Variants in KLHL14 observed in about 807,000 individuals in gnomAD.
The protein encoded by KLHL14 is kelch-like protein 14.
KLHL14 carries 22 observed loss-of-function variants against 64.3 expected under a neutral mutation model. The observed-to-expected ratio is 0.34, with a 90% CI of 0.24 to 0.49. KLHL14 has a LOEUF of 0.49. Among genes scored for constraint, KLHL14 ranks in the 20% least tolerant of loss-of-function variants. KLHL14 has a pLI of 0.99. For synonymous variants in KLHL14, 322 were observed against 333.4 expected, an observed-to-expected ratio of 0.97 and a Z score of 0.37; for missense variants, 661 against 789.0, an observed-to-expected ratio of 0.84 and a Z score of 1.94.
chr18:32,710,667 C>T (rs1227620053), intron 3 of KLHL14, among the ~76,000 whole-genome samples: 5 of 152,024 alleles, frequency 3.3e-5, no homozygotes. Context: ...AATAGAGGTC[C>T]AAAGTACAGA....
chr18:32,688,516 C>T (rs2049891004), intron 4 of KLHL14, among the ~76,000 whole-genome samples: 1 of 152,228 alleles, frequency 6.6e-6, no homozygotes. Flanking sequence ...AGGCCAGTTT[C>T]AGTAGCATAG....
chr18:32,745,582 T>G (rs1322298505), intron 2 of KLHL14: 1 of 152,242 alleles, frequency 6.6e-6, no homozygotes, highest in Non-Finnish European at 1.5e-5. Context: ...TAATAGAGAT[T>G]ACTTTACATT....
At chr18:32,704,409 T>C (rs1405422556) in intron 3 of KLHL14, among the ~76,000 whole-genome samples, 2 of 152,064 alleles carry the variant, frequency 1.3e-5, no homozygotes. Flanking sequence ...ACCTACAAGG[T>C]ATCAGAAGGT....
Position 32,760,647 on chromosome 18 carries a change from T to C in KLHL14, c.947+8998A>G, listed in dbSNP as rs193047819. Among the ~76,000 whole-genome samples the C allele has an allele frequency of 3.0e-3, 461 of 152,294 alleles. 5 individuals carry two copies. The highest frequency in any genetic ancestry group is 0.011 in the African/African-American group (449 of 41,558). On this transcript the variant is annotated intron_variant, in intron 2 of 8. Transcript: ENST00000359358. ...TCAGAGTCCCCGCGCAGGTGCAATT[T>C]ACCAACCCCTCACAGGCGCTCTGGG...
At position 32,770,764 on chromosome 18, in the gene KLHL14, C is replaced by T; in HGVS notation, c.-43-130G>A. 1.7e-6 allele frequency: 1 copy of T among 597,172 alleles called. No individual in the cohort carries two copies. The highest frequency in any genetic ancestry group is 3.6e-4 in the Middle Eastern group (1 of 2,740). 37.0% of individuals were successfully genotyped at this position (597,172 alleles called of 1,614,324 possible). A position where few individuals can be genotyped will look rare whatever the true frequency, so the allele number is the denominator to read the frequency against. On this transcript the variant is annotated intron_variant, in intron 1 of 8. Coordinates refer to ENST00000359358, the MANE Select transcript of KLHL14 (RefSeq NM_020805.3). This position sits in a 1 kb window ranked among gnomAD's most constrained non-coding sequence, Gnocchi z 6.7. Reference sequence around the variant, plus strand: ...ACAAGAATCAAGGCTCAGCTTGACTCCCTCCTGGCGCGCTCCGGACCCCGA... The same window carrying T: ...ACAAGAATCAAGGCTCAGCTTGACTTCCTCCTGGCGCGCTCCGGACCCCGA...
intron 2 of KLHL14, among the ~76,000 whole-genome samples, chr18:32,753,961 G>A (rs750735328): frequency 1.4e-4 from 21 of 152,228 alleles, no homozygotes; most frequent in Non-Finnish European, 2.6e-4. Context: ...AGGAAGTTGC[G>A]TGGCAAGCAT....
rs1407187421 is a variant in KLHL14 at position 32,770,391 on chromosome 18, A to AG, written c.200dup (p.Leu68SerfsTer192). On this transcript the variant is annotated frameshift_variant, in exon 2 of 9. Coordinates refer to ENST00000359358, the MANE Select transcript of KLHL14 (RefSeq NM_020805.3). LOFTEE classifies it high-confidence loss of function. This position sits in a 1 kb window ranked among gnomAD's most constrained non-coding sequence, Gnocchi z 6.7. ...CCTGGCCGCCGACCCCTCCCCCGAG[A>AG]GGGGGGTGGCTGGAGAAGAGCGATC... The AG allele has an allele frequency of 6.3e-7, 1 of 1,595,176 alleles. No homozygotes were observed. The highest frequency in any genetic ancestry group is 8.5e-7 in the Non-Finnish European group (1 of 1,169,842).
At chr18:32,713,016 T>G (rs2050027715) in intron 3 of KLHL14, among the ~76,000 whole-genome samples, 1 of 151,852 alleles carries the variant, frequency 6.6e-6, no homozygotes, top group South Asian at 2.1e-4. Context: ...CTCCAAGAGC[T>G]TGCTTTTAAA....
At position 32,770,623 on chromosome 18, in the gene KLHL14, C is replaced by T. The variant is rs1208874980; in HGVS notation, c.-32G>A. On this transcript the variant is annotated 5_prime_UTR_variant, in exon 2 of 9. Coordinates refer to ENST00000359358, the MANE Select transcript of KLHL14 (RefSeq NM_020805.3). The surrounding 1 kb of genome is among the most constrained non-coding windows in gnomAD (Gnocchi z 6.7). ...CTGACTCGGTGCACCTGGCTTTAAA[C>T]CCTCCTCCAACCTGGCAGACAGGGG... 1 of 1,512,782 alleles carries T rather than the reference C, an allele frequency of 6.6e-7. No homozygotes were observed. Among genetic ancestry groups the T allele is most frequent in the Non-Finnish European group, 8.8e-7 (1 of 1,132,326 alleles). The allele number at this position is 1,512,782 out of a possible 1,614,324, so 93.7% of individuals were successfully genotyped here. A position where few individuals can be genotyped will look rare whatever the true frequency, so the allele number is the denominator to read the frequency against.
chr18:32,714,281 G>T (rs2050034135), intron 3 of KLHL14, among the ~76,000 whole-genome samples: 1 of 152,086 alleles, frequency 6.6e-6, no homozygotes, highest in Non-Finnish European at 1.5e-5. Flanking sequence ...TAGCTCCATG[G>T]CTCTCTATGA....
intron 3 of KLHL14, among the ~76,000 whole-genome samples, chr18:32,701,841 T>C (rs572168204): frequency 1.3e-5 from 2 of 152,254 alleles, no homozygotes; most frequent in East Asian, 3.9e-4. Context: ...TGAGTGTCCT[T>C]GCAGATACAT....
chr18:32,695,579 A>T, intron 3 of KLHL14, 27 bp from the exon 4 acceptor site: 1 of 1,445,274 alleles, frequency 6.9e-7, no homozygotes, highest in Non-Finnish European at 9.6e-7. Flanking sequence ...AAAAAAAGAC[A>T]TATGAAATTT....
At chr18:32,674,928 G>A (rs1230842659) in intron 8 of KLHL14, 131 bp from the exon 9 acceptor site, 1 of 577,004 alleles carries the variant, frequency 1.7e-6, no homozygotes, top group Non-Finnish European at 3.1e-6. Context: ...AATTCCAAAT[G>A]AAAGCAATGG....
chr18:32,731,738 T>C (rs1158819804), intron 3 of KLHL14, among the ~76,000 whole-genome samples: 2 of 151,774 alleles, frequency 1.3e-5, no homozygotes, highest in Non-Finnish European at 2.9e-5. Flanking sequence ...ATAAATAATT[T>C]ATATATATAC....
chr18:32,739,285 A>G (rs1194401042), intron 3 of KLHL14, among the ~76,000 whole-genome samples: 1 of 152,044 alleles, frequency 6.6e-6, no homozygotes, highest in Non-Finnish European at 1.5e-5. Flanking sequence ...TTTGGGAAGA[A>G]TCTGGGATTC....
intron 4 of KLHL14, 97 bp from the exon 5 acceptor site, chr18:32,687,330 C>A: frequency 2.1e-6 from 2 of 954,100 alleles, no homozygotes; most frequent in Non-Finnish European, 3.4e-6. Context: ...TCAGGTTTAA[C>A]AAATAGATGA....
chr18:32,769,271 C>T (rs895337823), intron 2 of KLHL14, among the ~76,000 whole-genome samples: 9 of 152,144 alleles, frequency 5.9e-5, no homozygotes, highest in Admixed American at 5.2e-4. Flanking sequence ...TGAGCAAGCC[C>T]ATCTTAAGAT....
At chr18:32,726,616 TG>T in intron 3 of KLHL14, among the ~76,000 whole-genome samples, 1 of 151,646 alleles carries the variant, frequency 6.6e-6, no homozygotes, top group Middle Eastern at 3.4e-3. Flanking sequence ...AGAGCAAGAC[TG>T]TCTCAAGATA....
At chr18:32,725,820 T>G (rs923141010) in intron 3 of KLHL14, among the ~76,000 whole-genome samples, 1 of 152,258 alleles carries the variant, frequency 6.6e-6, no homozygotes, top group Non-Finnish European at 1.5e-5. Context: ...TTTCTGGAGT[T>G]AGACTATCTG....
Sources: gnomAD v4.1 joint callset for allele counts (sites outside exome capture counted in the v4.1 genomes callset) on GRCh38, gnomAD v4.1.1 for gene constraint, Gnocchi (gnomAD v3.1) non-coding constraint, MANE v1.5 for transcripts, NCBI Gene and HGNC (gene_info 2026-07-23, HGNC 2026-07-21) for gene names.